The following CSMD3 variants were observed in gnomAD, a reference collection of about 807,000 sequenced individuals.
The protein encoded by CSMD3 is CUB and Sushi multiple domains 3.
A neutral mutation model predicts 435.2 loss-of-function variants in CSMD3; 177 were observed. That is an observed-to-expected ratio of 0.41 (90% CI 0.36 to 0.46). The LOEUF is 0.46. CSMD3 is among the 20% of genes least tolerant of loss of function. The pLI is 0.34. For synonymous variants in CSMD3, 1,656 were observed against 1,520.5 expected (o/e 1.09, Z -2.07); for missense variants, 4,265 against 4,504.6 (o/e 0.95, Z 1.52).
chr8:113,266,653 A>G (rs192236423), intron 3 of CSMD3, among the ~76,000 whole-genome samples: 342 of 151,742 alleles, frequency 2.3e-3, no homozygotes, highest in African/African-American at 7.9e-3. Context: ...AATGTTTCTT[A>G]GTAGTAGTAG....
chr8:112,534,075 A>G (rs1825807556), intron 27 of CSMD3, among the ~76,000 whole-genome samples: 2 of 152,184 alleles, frequency 1.3e-5, no homozygotes, highest in African/African-American at 2.4e-5. Flanking sequence ...AAAGCAGGAA[A>G]GATAAAAAAT....
rs1827953835 is a variant in CSMD3 at position 112,554,527 on chromosome 8, G to C, written c.4235-1807C>G. ...TTTGATTACATTTAATTTGAGAACA[G>C]AGTTGATACTTATTCTTCTTGATTA... is the stretch of plus-strand genomic sequence containing the variant. On this transcript the variant is annotated intron_variant, in intron 25 of 70. Transcript: ENST00000297405. Among the ~76,000 whole-genome samples the C allele has an allele frequency of 4.6e-5, 7 of 151,758 alleles. No homozygotes were observed. The South Asian group carries it at 1.5e-3, about 31-fold the overall frequency.
chr8:113,077,355 T>A (rs1020453991), intron 5 of CSMD3, among the ~76,000 whole-genome samples: 33 of 149,862 alleles, frequency 2.2e-4, no homozygotes, highest in Admixed American at 2.7e-4. Flanking sequence ...AAAAAAAAAA[T>A]AAAATTAAAG....
At chr8:112,485,541 G>A (rs771361722) in intron 31 of CSMD3, among the ~76,000 whole-genome samples, 2 of 151,906 alleles carry the variant, frequency 1.3e-5, no homozygotes, top group South Asian at 2.1e-4. Flanking sequence ...AAACCTCAAG[G>A]ACATTTGACA....
chr8:112,666,241 T>G, intron 17 of CSMD3, 36 bp downstream of exon 17: 3 of 1,472,390 alleles, frequency 2.0e-6, no homozygotes, highest in Non-Finnish European at 2.8e-6. Flanking sequence ...TTTTAGATAA[T>G]ATTTTCTTTA....
intron 4 of CSMD3, among the ~76,000 whole-genome samples, chr8:113,169,268 A>G (rs2092223096): frequency 6.6e-6 from 1 of 152,148 alleles, no homozygotes; most frequent in African/African-American, 2.4e-5. Flanking sequence ...CAAAGGCAAC[A>G]GTTTCCTCAT....
intron 32 of CSMD3, among the ~76,000 whole-genome samples, chr8:112,430,605 T>C (rs1339199295): frequency 6.6e-6 from 1 of 151,996 alleles, no homozygotes; most frequent in African/African-American, 2.4e-5. Flanking sequence ...TGAATATCAA[T>C]TCATAAAAGA....
chr8:112,873,193 A>C (rs2081185434), intron 10 of CSMD3, among the ~76,000 whole-genome samples: 1 of 152,052 alleles, frequency 6.6e-6, no homozygotes, highest in Non-Finnish European at 1.5e-5. Flanking sequence ...ATCCAAAAAA[A>C]TCATAAAGCA....
chr8:113,416,793 A>G (rs1162285093), intron 1 of CSMD3, among the ~76,000 whole-genome samples: 2 of 152,122 alleles, frequency 1.3e-5, no homozygotes, highest in Non-Finnish European at 2.9e-5. Flanking sequence ...TTTTATGGCA[A>G]AAGAGTCAGG....
intron 4 of CSMD3, among the ~76,000 whole-genome samples, chr8:113,136,101 G>A (rs2091412189): frequency 1.3e-5 from 2 of 151,780 alleles, no homozygotes; most frequent in Admixed American, 1.3e-4. Context: ...TATAAGCACT[G>A]TGAGAACAAA....
intron 1 of CSMD3, among the ~76,000 whole-genome samples, chr8:113,421,140 A>G (rs891023093): frequency 6.6e-6 from 1 of 152,152 alleles, no homozygotes; most frequent in Non-Finnish European, 1.5e-5. Context: ...AATTTCTGAG[A>G]CCAAAAGGAA....
At chr8:112,799,402 T>C (rs957305345) in intron 13 of CSMD3, among the ~76,000 whole-genome samples, 1 of 151,976 alleles carries the variant, frequency 6.6e-6, no homozygotes, top group African/African-American at 2.4e-5. Context: ...TTTACCACAA[T>C]AGTAATGATA....
rs2074943014 is a variant in CSMD3 at position 112,645,103 on chromosome 8, A to C, written c.3310+6T>G. 7.3e-7 allele frequency: 1 copy of C among 1,361,342 alleles called. No individual in the cohort carries two copies. Among genetic ancestry groups the C allele is most frequent in the Non-Finnish European group, 1.1e-6 (1 of 949,554 alleles). The allele number at this position is 1,361,342 out of a possible 1,614,324, so 84.3% of individuals were successfully genotyped here. A position where few individuals can be genotyped will look rare whatever the true frequency, so the allele number is the denominator to read the frequency against. ...AGTCCAATTATTATTTCATGAGGCA[A>C]ATTACCTTTTCCATGGGTTACATCA... On this transcript the variant is annotated splice_donor_region_variant and intron_variant, in intron 20 of 70. Coordinates refer to ENST00000297405, the MANE Select transcript of CSMD3 (RefSeq NM_198123.2).
chr8:112,570,886 A>G (rs995839462), intron 24 of CSMD3, among the ~76,000 whole-genome samples: 2 of 152,192 alleles, frequency 1.3e-5, no homozygotes, highest in African/African-American at 4.8e-5. Flanking sequence ...ACTAAAAAAT[A>G]TTTATAAATG....
intron 3 of CSMD3, among the ~76,000 whole-genome samples, chr8:113,190,044 TC>T (rs2092562189): frequency 6.6e-6 from 1 of 151,770 alleles, no homozygotes; most frequent in African/African-American, 2.4e-5. Flanking sequence ...TTTTTTTTAT[TC>T]ATTTATTTAC....
chr8:113,055,386 T>C (rs753599219), intron 5 of CSMD3, among the ~76,000 whole-genome samples: 19 of 152,180 alleles, frequency 1.2e-4, no homozygotes, highest in Non-Finnish European at 2.6e-4. Context: ...TAAACTCTCA[T>C]TTTTCACAAA....
chr8:113,213,091 A>G (rs2092858539), intron 3 of CSMD3, among the ~76,000 whole-genome samples: 1 of 151,978 alleles, frequency 6.6e-6, no homozygotes, highest in Admixed American at 6.6e-5. Context: ...TTTTATATAT[A>G]AAATGCTTTT....
intron 6 of CSMD3, among the ~76,000 whole-genome samples, chr8:112,987,933 G>A (rs1313415200): frequency 6.6e-6 from 1 of 151,956 alleles, no homozygotes; most frequent in Non-Finnish European, 1.5e-5. Context: ...GGGCAATGAT[G>A]GGGAGGTGTT....
Position 112,492,492 on chromosome 8 carries a change from G to A in CSMD3, c.5275C>T (p.His1759Tyr), listed in dbSNP as rs2130851973. The change falls in exon 31 of 71, where the codon CAT (histidine) becomes TAT (tyrosine). Residue 1759 changes from histidine (H) to tyrosine (Y), a missense_variant. Physicochemically the swap from His to Tyr is moderately conservative, Grantham distance 83. Transcript: ENST00000297405. ...AGCCAAAAAATATGTTCCTTACCAT[G>A]ACAACTTGGCAAGGCTCTATTCCAT... ...PGWNRALPSC[H>Y]APCGSRSTGS... 2 of 1,612,978 alleles carry A rather than the reference G, an allele frequency of 1.2e-6. No individual in the cohort carries two copies. Among genetic ancestry groups the A allele is most frequent in the Non-Finnish European group, 1.7e-6 (2 of 1,179,078 alleles).
Sources: gnomAD v4.1 joint callset for allele counts (sites outside exome capture counted in the v4.1 genomes callset) on GRCh38, gnomAD v4.1.1 for gene constraint, MANE v1.5 for transcripts, NCBI Gene and HGNC (gene_info 2026-07-23, HGNC 2026-07-21) for gene names.